Variants in CDNF observed in about 807,000 individuals in gnomAD.
The protein encoded by CDNF is ARMET-like protein 1.
In CDNF, 9 loss-of-function variants were observed where a neutral mutation model predicts 14.8. That is an observed-to-expected ratio of 0.61 (90% confidence interval 0.37 to 1.06). CDNF has a LOEUF of 1.06. Among genes scored for constraint, CDNF ranks in the 50% least tolerant of loss-of-function variants. CDNF has a pLI of 0.01. For missense variants in CDNF, 228 were observed against 228.4 expected (o/e 1.00, Z 0.01); for synonymous variants, 86 against 87.2 (o/e 0.99, Z 0.07).
At position 14,826,029 on chromosome 10, in the gene CDNF, G is replaced by GAGAAGGAGA. The variant is rs1554764000; in HGVS notation, c.244-410_244-409insTCTCCTTCT. Among the ~76,000 whole-genome samples the GAGAAGGAGA allele has an allele frequency of 1.9e-3, 166 of 86,180 alleles. 7 individuals carry two copies. The highest frequency in any genetic ancestry group is 8.1e-3 in the African/African-American group (156 of 19,280). The allele number at this position is 86,180 out of a possible 152,430, so 56.5% of individuals were successfully genotyped here. A position where few individuals can be genotyped will look rare whatever the true frequency, so the allele number is the denominator to read the frequency against. ...GAAGCAGAAGCAGAAGAAGAAGAAG[G>GAGAAGGAGA]AGAAGAAGAAGAAGAAGAAGAAGAA... is the stretch of plus-strand genomic sequence containing the variant. On this transcript the variant is annotated intron_variant, in intron 2 of 3. Coordinates refer to ENST00000465530, the MANE Select transcript of CDNF (RefSeq NM_001029954.3).
At chr10:14,827,451 TATAA>T (rs138962094) in intron 2 of CDNF, among the ~76,000 whole-genome samples, 2,180 of 152,234 alleles carry the variant, frequency 0.014, 61 homozygotes, top group African/African-American at 0.049. Context: ...TAGAAGAAAA[TATAA>T]ATACTTTATT....
chr10:14,833,842 C>G (rs557302497), intron 1 of CDNF, among the ~76,000 whole-genome samples: 6 of 151,988 alleles, frequency 3.9e-5, no homozygotes, highest in Middle Eastern at 3.4e-3. Flanking sequence ...AAAGGAGCAG[C>G]CAGTGAAGTA....
At chr10:14,829,390 C>G (rs1259292649) in intron 1 of CDNF, among the ~76,000 whole-genome samples, 6 of 152,182 alleles carry the variant, frequency 3.9e-5, no homozygotes, top group Non-Finnish European at 8.8e-5. Flanking sequence ...GCGAGAGGAT[C>G]TCTTGAGGCC....
chr10:14,834,681 T>G (rs1186372448), intron 1 of CDNF, among the ~76,000 whole-genome samples: 2 of 152,100 alleles, frequency 1.3e-5, no homozygotes, highest in African/African-American at 4.8e-5. Flanking sequence ...GGACATGAGG[T>G]GGTGAGAAAC....
chr10:14,837,941 C>A lies in CDNF; in HGVS notation c.6G>T (p.Trp2Cys). 6.3e-7 allele frequency: 1 copy of A among 1,593,666 alleles called. No homozygotes were observed. Among genetic ancestry groups the A allele is most frequent in the Non-Finnish European group, 8.5e-7 (1 of 1,171,594 alleles). The change falls in exon 1 of 4, where the codon TGG becomes TGT. Residue 2 changes from tryptophan to cysteine, a missense_variant. Coordinates refer to ENST00000465530, the MANE Select transcript of CDNF (RefSeq NM_001029954.3). ...CCACCACAGCAACTGGGCTCGCGCA[C>A]CACATGCTGGGCCAGCAGCTTCAAT... M[W>C]CASPVAVVAF...
At chr10:14,825,135 T>C (rs1407367395) in intron 3 of CDNF, among the ~76,000 whole-genome samples, 1 of 152,044 alleles carries the variant, frequency 6.6e-6, no homozygotes, top group African/African-American at 2.4e-5. Flanking sequence ...TTTGTATTTT[T>C]TTAGTAGAGA....
intron 2 of CDNF, among the ~76,000 whole-genome samples, chr10:14,826,104 C>A (rs183762757): frequency 0.035 from 3,837 of 108,644 alleles, 206 homozygotes; most frequent in African/African-American, 0.11. Flanking sequence ...GAAGCAGCAG[C>A]AGCAGCAGCA....
At chr10:14,828,832 C>T (rs1354833612) in intron 1 of CDNF, among the ~76,000 whole-genome samples, 1 of 150,832 alleles carries the variant, frequency 6.6e-6, no homozygotes, top group Admixed American at 6.6e-5. Context: ...ATAGTGAGAC[C>T]TTGTCTCTAC....
At chr10:14,823,239 C>T (rs1322670087) in intron 3 of CDNF, among the ~76,000 whole-genome samples, 1 of 152,148 alleles carries the variant, frequency 6.6e-6, no homozygotes, top group Non-Finnish European at 1.5e-5. Flanking sequence ...TTCTAGAGAA[C>T]TTGGTATCTG....
At chr10:14,826,093 A>G (rs1340286952) in intron 2 of CDNF, among the ~76,000 whole-genome samples, 1 of 128,472 alleles carries the variant, frequency 7.8e-6, no homozygotes, top group African/African-American at 3.1e-5. Flanking sequence ...AAGAAGAAGA[A>G]GAAGCAGCAG....
At chr10:14,831,221 G>A (rs1001257446) in intron 1 of CDNF, among the ~76,000 whole-genome samples, 1 of 152,040 alleles carries the variant, frequency 6.6e-6, no homozygotes, top group Non-Finnish European at 1.5e-5. Flanking sequence ...TGGGACTTGT[G>A]TTTATTTAGC....
At chr10:14,824,836 A>ACTTACCAT (rs1833765928) in intron 3 of CDNF, among the ~76,000 whole-genome samples, 1 of 152,158 alleles carries the variant, frequency 6.6e-6, no homozygotes, top group Non-Finnish European at 1.5e-5. Context: ...TTGTTTTAAT[A>ACTTACCAT]GATTACCAAG....
chr10:14,823,102 G>A (rs1046092459), intron 3 of CDNF, among the ~76,000 whole-genome samples: 62 of 141,418 alleles, frequency 4.4e-4, no homozygotes, highest in African/African-American at 1.9e-3. Flanking sequence ...AAAGGTCCCT[G>A]TTTAATCTTA....
chr10:14,820,198 T>C (rs773165188), intron 3 of CDNF, 40 bp from the exon 4 acceptor site: 1 of 1,594,132 alleles, frequency 6.3e-7, no homozygotes, highest in South Asian at 1.1e-5. Flanking sequence ...ACAAAATAAA[T>C]GGAAAAAAAA....
Position 14,819,743 on chromosome 10 carries a change from A to C in CDNF, c.*237T>G. ...ACAGGCAATGAAAACTGGCATAGTCATTCCAAGAAACTTATGAGAAAGGAA... is the reference window on the plus strand; with the variant it reads ...ACAGGCAATGAAAACTGGCATAGTCCTTCCAAGAAACTTATGAGAAAGGAA... On this transcript the variant is annotated 3_prime_UTR_variant, in exon 4 of 4. Coordinates refer to ENST00000465530, the MANE Select transcript of CDNF (RefSeq NM_001029954.3). 1 of 386,806 alleles carries C rather than the reference A, an allele frequency of 2.6e-6. No homozygotes were observed. Among genetic ancestry groups the C allele is most frequent in the Non-Finnish European group, 4.6e-6 (1 of 218,364 alleles). 24.0% of individuals were successfully genotyped at this position (386,806 alleles called of 1,614,324 possible).
chr10:14,830,169 C>T (rs1688689585), intron 1 of CDNF, among the ~76,000 whole-genome samples: 1 of 152,122 alleles, frequency 6.6e-6, no homozygotes, highest in South Asian at 2.1e-4. Flanking sequence ...AGTTTTTGGG[C>T]CCCGATGTGA....
intron 1 of CDNF, among the ~76,000 whole-genome samples, chr10:14,836,702 C>T (rs576051330): frequency 3.3e-5 from 5 of 152,280 alleles, no homozygotes; most frequent in East Asian, 1.9e-4. Context: ...GAGGCTGAGG[C>T]GGGCCGATCA....
chr10:14,826,050 A>G lies in CDNF; in HGVS notation c.244-430T>C, dbSNP rs796833141. ...GAAGGAGAAGAAGAAGAAGAAGAAG[A>G]AGAAGAAGAAGAAGAAGAAGAAGAA... On this transcript the variant is annotated intron_variant, in intron 2 of 3. Coordinates refer to ENST00000465530, the MANE Select transcript of CDNF (RefSeq NM_001029954.3). 3.2e-3 allele frequency among the ~76,000 whole-genome samples: 403 copies of G among 126,834 alleles called. 13 individuals are homozygous for G. Among genetic ancestry groups the G allele is most frequent in the African/African-American group, 0.011 (314 of 29,888 alleles). The allele number at this position is 126,834 out of a possible 152,430, so 83.2% of individuals were successfully genotyped here.
rs755174460 is a variant in CDNF, at chr10:14,827,653, G to A, written c.243+492C>T. Among the ~76,000 whole-genome samples, 89 of 152,166 alleles carry A rather than the reference G, an allele frequency of 5.8e-4. 1 individual carries two copies. The highest frequency in any genetic ancestry group is 1.3e-4 in the Non-Finnish European group (9 of 68,028). On this transcript the variant is annotated intron_variant, in intron 2 of 3. Coordinates refer to ENST00000465530, the MANE Select transcript of CDNF (RefSeq NM_001029954.3). ...CATTCTTGTAATCCCAGCACTTTGG[G>A]AGGCTGAGGTGGGTGGATCACCTGA...
Sources: gnomAD v4.1 joint callset for allele counts (sites outside exome capture counted in the v4.1 genomes callset) on GRCh38, gnomAD v4.1.1 for gene constraint, MANE v1.5 for transcripts, NCBI Gene and HGNC (gene_info 2026-07-23, HGNC 2026-07-21) for gene names.